LRCH1: variants seen among roughly 807,000 people sequenced by gnomAD.
LRCH1 encodes leucine rich repeats and calponin homology domain containing 1.
Under a neutral mutation model 94.9 loss-of-function variants are expected in LRCH1, and 23 were observed. That is an observed-to-expected ratio of 0.24 (90% CI 0.17 to 0.34). The LOEUF (loss-of-function observed/expected upper bound fraction) is 0.34, where lower values mean the gene tolerates loss of function less well. Among genes scored for constraint, LRCH1 ranks in the 10% least tolerant of loss-of-function variants. LRCH1 has a pLI of 1.00. For synonymous variants in LRCH1, 364 were observed against 354.9 expected (o/e 1.03, Z -0.29); for missense variants, 790 against 945.9 (o/e 0.84, Z 2.16).
intron 16 of LRCH1, 115 bp from the exon 17 acceptor site, chr13:46,723,106 C>A (rs1872658691): frequency 1.8e-6 from 1 of 547,580 alleles, no homozygotes; most frequent in Non-Finnish European, 3.2e-6. Context: ...TTCTTTGTTT[C>A]TTTGAGTGGT....
At chr13:46,689,327 A>G (rs1870779097) in intron 7 of LRCH1, 131 bp downstream of exon 7, 3 of 633,862 alleles carry the variant, frequency 4.7e-6, no homozygotes, top group East Asian at 5.6e-5. Flanking sequence ...AGTGATTTGT[A>G]TATTCATGTG....
intron 19 of LRCH1, among the ~76,000 whole-genome samples, chr13:46,737,885 C>G (rs1387234103): frequency 6.6e-6 from 1 of 152,068 alleles, no homozygotes. Flanking sequence ...TTAGTATTCT[C>G]TCAGGTTGAG....
At chr13:46,652,367 C>T (rs994566435) in intron 2 of LRCH1, among the ~76,000 whole-genome samples, 2 of 150,276 alleles carry the variant, frequency 1.3e-5, no homozygotes, top group Admixed American at 1.3e-4. Context: ...TAAGCCACTG[C>T]GTCTGGCCAA....
At chr13:46,703,985 C>T (rs949647576) in intron 11 of LRCH1, among the ~76,000 whole-genome samples, 1 of 152,016 alleles carries the variant, frequency 6.6e-6, no homozygotes, top group African/African-American at 2.4e-5. Context: ...ACTTGATTTG[C>T]ATCTTTATGG....
At chr13:46,598,835 G>T (rs2050595841) in intron 1 of LRCH1, among the ~76,000 whole-genome samples, 1 of 152,266 alleles carries the variant, frequency 6.6e-6, no homozygotes, top group African/African-American at 2.4e-5. Context: ...GGTAAACACT[G>T]TCTGATATAT....
chr13:46,564,304 C>A (rs1178567840), intron 1 of LRCH1, among the ~76,000 whole-genome samples: 1 of 152,138 alleles, frequency 6.6e-6, no homozygotes, highest in Non-Finnish European at 1.5e-5. Context: ...TTGGTTCTCC[C>A]GCCAACCCAC....
At chr13:46,555,332 A>G (rs2050052528) in intron 1 of LRCH1, among the ~76,000 whole-genome samples, 2 of 152,256 alleles carry the variant, frequency 1.3e-5, no homozygotes, top group African/African-American at 4.8e-5. Context: ...TGCAGAAAAT[A>G]GAGCTGGCAT....
chr13:46,610,497 T>C (rs1050499871), intron 1 of LRCH1, among the ~76,000 whole-genome samples: 1 of 152,078 alleles, frequency 6.6e-6, no homozygotes, highest in Non-Finnish European at 1.5e-5. Context: ...CCTTTTTTTT[T>C]TTTTAATTTC....
At chr13:46,673,050 T>C (rs1224415785) in intron 3 of LRCH1, among the ~76,000 whole-genome samples, 1 of 152,216 alleles carries the variant, frequency 6.6e-6, no homozygotes, top group Non-Finnish European at 1.5e-5. Flanking sequence ...TGTAATAATA[T>C]TTATTTAACC....
intron 5 of LRCH1, 77 bp downstream of exon 5, chr13:46,686,118 C>A: frequency 7.5e-7 from 1 of 1,332,372 alleles, no homozygotes; most frequent in Non-Finnish European, 9.7e-7. Context: ...TCCCCTTCAC[C>A]CTCTGAAAGT....
At chr13:46,719,464 C>T (rs1872498265) in intron 16 of LRCH1, among the ~76,000 whole-genome samples, 2 of 152,098 alleles carry the variant, frequency 1.3e-5, no homozygotes, top group Admixed American at 1.3e-4. Context: ...ATGGGAGAGA[C>T]ACAGATAAAA....
chr13:46,716,080 G>A (rs1241766175), intron 16 of LRCH1, among the ~76,000 whole-genome samples: 22 of 152,068 alleles, frequency 1.4e-4, no homozygotes, highest in Admixed American at 1.4e-3. Flanking sequence ...TAATTAAAAT[G>A]TACCATGGCT....
chr13:46,691,055 A>T (rs1870869112), intron 7 of LRCH1, among the ~76,000 whole-genome samples: 1 of 152,228 alleles, frequency 6.6e-6, no homozygotes, highest in Non-Finnish European at 1.5e-5. Flanking sequence ...AATTTCTGCC[A>T]GTTTCTAAAC....
At chr13:46,562,992 G>A (rs1179107147) in intron 1 of LRCH1, among the ~76,000 whole-genome samples, 1 of 152,068 alleles carries the variant, frequency 6.6e-6, no homozygotes, top group Non-Finnish European at 1.5e-5. Context: ...GGTCCCTAGA[G>A]TCACACTTTA....
At chr13:46,635,619 C>T (rs976488945) in intron 1 of LRCH1, among the ~76,000 whole-genome samples, 1 of 151,854 alleles carries the variant, frequency 6.6e-6, no homozygotes, top group Non-Finnish European at 1.5e-5. Context: ...TACAAGTACC[C>T]GCCACCACGC....
At position 46,681,744 on chromosome 13, in the gene LRCH1, G is replaced by A. The variant is rs745530184; in HGVS notation, c.583G>A (p.Val195Ile). The change falls in exon 4 of 20, where the codon GTC becomes ATC. Residue 195 changes from valine to isoleucine, a missense_variant. By Grantham distance (29) the Val-to-Ile change is conservative. Around this residue, in one of 3 missense-constraint regions of LRCH1, gnomAD observed 194 missense variants for 293.5 expected, o/e 0.66. Transcript: ENST00000389797. Reference protein sequence around the residue: ...GQLKQLMELDVSCNEITALPQ... With the variant: ...GQLKQLMELDISCNEITALPQ... ...TCTCTCTCTGCTTTTGATACAGGAT[G>A]TCAGCTGCAACGAGATCACAGCGTT... 1.7e-5 allele frequency: 28 copies of A among 1,605,076 alleles called. No homozygotes were observed. The Admixed American group carries it at 4.5e-4, about 26-fold the overall frequency.
chr13:46,557,914 C>T (rs766589047), intron 1 of LRCH1, among the ~76,000 whole-genome samples: 50 of 152,036 alleles, frequency 3.3e-4, no homozygotes, highest in Non-Finnish European at 1.9e-4. Flanking sequence ...GGTGTGGTGG[C>T]GCATGCCTGT....
intron 1 of LRCH1, among the ~76,000 whole-genome samples, chr13:46,622,081 C>T (rs2050886657): frequency 6.6e-6 from 1 of 152,038 alleles, no homozygotes; most frequent in Non-Finnish European, 1.5e-5. Flanking sequence ...CTTGAATAAA[C>T]TGAATTAAAT....
chr13:46,711,825 G>A lies in LRCH1; in HGVS notation c.1562G>A (p.Ser521Asn), dbSNP rs1872079292. The A allele has an allele frequency of 6.2e-7, 1 of 1,613,172 alleles. No homozygotes were observed. The highest frequency in any genetic ancestry group is 8.5e-7 in the Non-Finnish European group (1 of 1,179,464). Reference protein sequence around the residue: ...QSDLTLQSNGSQYSPNEIREN... With the variant: ...QSDLTLQSNGNQYSPNEIREN... ...GATCTAACATTACAGAGTAACGGGAGCCAGTATTCTCCAAATGAGGTAAGT... is the reference window on the plus strand; with the variant it reads ...GATCTAACATTACAGAGTAACGGGAACCAGTATTCTCCAAATGAGGTAAGT... The change falls in exon 14 of 20, where the codon AGC becomes AAC. Residue 521 changes from serine to asparagine, a missense_variant. Physicochemically the swap from Ser to Asn is conservative, Grantham distance 46. Around this residue, in one of 3 missense-constraint regions of LRCH1, gnomAD observed 460 missense variants for 508.9 expected, o/e 0.90. Coordinates refer to ENST00000389797, the MANE Select transcript of LRCH1 (RefSeq NM_001164211.2).
Sources: allele counts gnomAD v4.1 joint callset (sites outside exome capture counted in the v4.1 genomes callset), GRCh38; gene constraint gnomAD v4.1.1; regional missense constraint gnomAD v4.1.1; transcripts MANE v1.5; gene names NCBI Gene and HGNC (gene_info 2026-07-23, HGNC 2026-07-21).